The following KANK1 variants were observed in gnomAD, a reference collection of about 807,000 sequenced individuals.
KANK1 encodes KN motif and ankyrin repeat domains 1, also known as KN motif and ankyrin repeat domain-containing protein 1.
In KANK1, 109 loss-of-function variants were observed where a neutral mutation model predicts 106.2. The ratio of observed to expected loss-of-function variants is 1.03; its 90% CI spans 0.88 to 1.20. The LOEUF is 1.20. Ranked by LOEUF, KANK1 falls within the 50% of genes most tolerant of loss-of-function variation. The pLI is 0.00. For missense variants in KANK1, 2,399 were observed against 1,710.7 expected (o/e 1.40, Z -7.10); for synonymous variants, 873 against 652.2 (o/e 1.34, Z -5.16).
intron 1 of KANK1, among the ~76,000 whole-genome samples, chr9:581,871 C>A (rs998418218): frequency 2.0e-5 from 3 of 152,110 alleles, no homozygotes; most frequent in African/African-American, 7.2e-5. Flanking sequence ...TGCTGCACAC[C>A]TCAGGGTGCA....
At chr9:553,218 G>A (rs1392584380) in intron 1 of KANK1, among the ~76,000 whole-genome samples, 1 of 152,162 alleles carries the variant, frequency 6.6e-6, no homozygotes, top group Non-Finnish European at 1.5e-5. Flanking sequence ...GCAATGAAAA[G>A]CAATTTAGTT....
At chr9:565,923 C>A (rs574219521) in intron 1 of KANK1, among the ~76,000 whole-genome samples, 94 of 152,240 alleles carry the variant, frequency 6.2e-4, no homozygotes, top group African/African-American at 2.2e-3. Context: ...TGGGTAAACT[C>A]GTGTCATGGG....
At chr9:665,995 C>T (rs1027827242) in intron 1 of KANK1, among the ~76,000 whole-genome samples, 4 of 151,984 alleles carry the variant, frequency 2.6e-5, no homozygotes, top group Non-Finnish European at 5.9e-5. Flanking sequence ...GCCTGGGCAG[C>T]ATAGTGTGAC....
At chr9:740,730 G>T (rs1014173865) in intron 8 of KANK1, 62 bp from the exon 9 acceptor site, 1 of 1,558,892 alleles carries the variant, frequency 6.4e-7, no homozygotes, top group Non-Finnish European at 8.7e-7. Flanking sequence ...CAGTGGCTTC[G>T]TAAGCGGCTG....
At chr9:665,855 C>T (rs1844443438) in intron 1 of KANK1, among the ~76,000 whole-genome samples, 1 of 152,026 alleles carries the variant, frequency 6.6e-6, no homozygotes, top group Admixed American at 6.5e-5. Context: ...TATAGTGATC[C>T]TTGTAAAGAT....
intron 1 of KANK1, among the ~76,000 whole-genome samples, chr9:629,240 T>C (rs943840924): frequency 6.6e-6 from 1 of 152,218 alleles, no homozygotes; most frequent in Admixed American, 6.5e-5. Context: ...TCAGCACTTT[T>C]TAGCACCAGG....
chr9:692,300 A>T (rs957945958), intron 2 of KANK1, among the ~76,000 whole-genome samples: 7 of 151,976 alleles, frequency 4.6e-5, no homozygotes, highest in Non-Finnish European at 2.9e-5. Context: ...CTGTGTGAAG[A>T]CACAAAGATT....
intron 11 of KANK1, chr9:744,937 G>C (rs1407141878): frequency 7.0e-7 from 1 of 1,438,510 alleles, no homozygotes. Flanking sequence ...GCAGCCTGTA[G>C]TCCACAGTTC....
Position 713,214 on chromosome 9 carries a change from A to C in KANK1, c.2448A>C (p.Pro816=). Reference sequence around the variant, plus strand: ...TGGAGAACCCCCAGCCTCAAGCTCCACTTGGAATGATGACTGGCCTGGATC... The same window carrying C: ...TGGAGAACCCCCAGCCTCAAGCTCCCCTTGGAATGATGACTGGCCTGGATC... ...ESLENPQPQA[P]LGMMTGLDHY... The change falls in exon 3 of 12, where the codon CCA becomes CCC. Residue 816 remains proline, a synonymous_variant. Coordinates refer to ENST00000382297, the MANE Select transcript of KANK1 (RefSeq NM_015158.5). 9 of 1,594,138 alleles carry C rather than the reference A, an allele frequency of 5.6e-6. No individual in the cohort carries two copies. The highest frequency in any genetic ancestry group is 7.7e-6 in the Non-Finnish European group (9 of 1,170,082).
Position 606,642 on chromosome 9 carries a change from C to A in KANK1, c.-83-70248C>A, listed in dbSNP as rs541504790. 1.0e-3 allele frequency among the ~76,000 whole-genome samples: 67 copies of A among 66,754 alleles called. No homozygotes were observed. The South Asian group carries it at 0.06, about 60-fold the overall frequency. The allele number at this position is 66,754 out of a possible 152,430, so 43.8% of individuals were successfully genotyped here. A position where few individuals can be genotyped will look rare whatever the true frequency, so the allele number is the denominator to read the frequency against. On this transcript the variant is annotated intron_variant, in intron 1 of 11. Coordinates refer to ENST00000382297, the MANE Select transcript of KANK1 (RefSeq NM_015158.5). Reference sequence around the variant, plus strand: ...TATATTTATATATTTATATATATTACATATATATATATGTTTAGAAAATAA... The same window carrying A: ...TATATTTATATATTTATATATATTAAATATATATATATGTTTAGAAAATAA...
At chr9:707,174 G>T in intron 2 of KANK1, 1 of 985,804 alleles carries the variant, frequency 1.0e-6, no homozygotes, top group Non-Finnish European at 1.2e-6. Context: ...GGCGCCCGAG[G>T]CCGGGTCCGG....
At chr9:613,094 T>C (rs575119239) in intron 1 of KANK1, among the ~76,000 whole-genome samples, 6 of 152,030 alleles carry the variant, frequency 3.9e-5, no homozygotes, top group Non-Finnish European at 7.4e-5. Flanking sequence ...GGAGTAAAGA[T>C]AGAGGTAGCA....
At chr9:631,285 A>G (rs1835670346) in intron 1 of KANK1, among the ~76,000 whole-genome samples, 1 of 152,208 alleles carries the variant, frequency 6.6e-6, no homozygotes, top group African/African-American at 2.4e-5. Context: ...ACACGGAAAA[A>G]GAAATGCTGT....
chr9:672,909 A>G (rs1815522671), intron 1 of KANK1, among the ~76,000 whole-genome samples: 1 of 152,222 alleles, frequency 6.6e-6, no homozygotes, highest in African/African-American at 2.4e-5. Context: ...TTTCTTAGCT[A>G]GGAGAACTAA....
chr9:545,724 CTTTTTTTT>C (rs61622402), intron 1 of KANK1, among the ~76,000 whole-genome samples: 2,100 of 102,640 alleles, frequency 0.02, 27 homozygotes, highest in Middle Eastern at 0.034. Flanking sequence ...TGTACAGAGC[CTTTTTTTT>C]TTTTTTTTTT....
intron 3 of KANK1, among the ~76,000 whole-genome samples, chr9:723,070 G>A (rs1325339094): frequency 6.6e-6 from 1 of 152,156 alleles, no homozygotes; most frequent in East Asian, 1.9e-4. Flanking sequence ...GGTGAAGGAT[G>A]GCGAATTTCC....
Position 549,185 on chromosome 9 carries a change from G to C in KANK1, c.-84+44431G>C, listed in dbSNP as rs2061119287. On this transcript the variant is annotated intron_variant, in intron 1 of 11. Coordinates refer to ENST00000382297, the MANE Select transcript of KANK1 (RefSeq NM_015158.5). ...TTTATTTCTTCCTCACTCTTCCTTTGACAGTCCTCGCAGTCCGCCTGAGAG... is the reference window on the plus strand; with the variant it reads ...TTTATTTCTTCCTCACTCTTCCTTTCACAGTCCTCGCAGTCCGCCTGAGAG... 1.3e-5 allele frequency: 2 copies of C among 150,616 alleles called. 1 individual carries two copies. The highest frequency in any genetic ancestry group is 4.2e-4 in the South Asian group (2 of 4,792). 9.3% of individuals were successfully genotyped at this position (150,616 alleles called of 1,614,324 possible).
intron 1 of KANK1, among the ~76,000 whole-genome samples, chr9:577,553 C>T (rs1014772776): frequency 2.0e-5 from 3 of 152,194 alleles, no homozygotes; most frequent in Non-Finnish European, 4.4e-5. Context: ...CCCAGAAGCT[C>T]AGCCGGCTTC....
chr9:575,191 A>G (rs1587947637), intron 1 of KANK1, among the ~76,000 whole-genome samples: 1 of 152,356 alleles, frequency 6.6e-6, no homozygotes, highest in East Asian at 1.9e-4. Context: ...ATACTTGGTA[A>G]TGTCCTTAAA....
Sources: gnomAD v4.1 joint callset for allele counts (sites outside exome capture counted in the v4.1 genomes callset) on GRCh38, gnomAD v4.1.1 for gene constraint, MANE v1.5 for transcripts, NCBI Gene and HGNC (gene_info 2026-07-23, HGNC 2026-07-21) for gene names.